The following SYBU variants were observed in gnomAD, a reference collection of about 807,000 sequenced individuals.
SYBU encodes GOLSYN A protein.
Under a neutral mutation model 35.9 loss-of-function variants are expected in SYBU, and 21 were observed. The ratio of observed to expected loss-of-function variants is 0.58; its 90% CI spans 0.41 to 0.84. The LOEUF is 0.84. SYBU is among the 40% of genes least tolerant of loss of function. The probability of loss-of-function intolerance (pLI) is 0.00; values close to 1 mark genes in which losing one functional copy is unlikely to be tolerated. For synonymous variants in SYBU, 319 were observed against 324.3 expected (o/e 0.98, Z 0.18); for missense variants, 768 against 848.2 (o/e 0.91, Z 1.17).
rs1389600172 is a variant in SYBU, at chr8:109,644,668, T to G, written c.-9A>C. Reference sequence around the variant, plus strand: ...TCGCGGAGGGGCCCCATCGCGCCGCTGCCCGCCGGCTCCTCGCGCCGCCGC... The same window carrying G: ...TCGCGGAGGGGCCCCATCGCGCCGCGGCCCGCCGGCTCCTCGCGCCGCCGC... On this transcript the variant is annotated 5_prime_UTR_variant, in exon 1 of 7. Coordinates refer to ENST00000276646, the MANE Select transcript of SYBU (RefSeq NM_001099754.2). The G allele has an allele frequency of 1.3e-6, 2 of 1,518,350 alleles. No homozygotes were observed. The highest frequency in any genetic ancestry group is 1.8e-6 in the Non-Finnish European group (2 of 1,140,192). 94.1% of individuals were successfully genotyped at this position (1,518,350 alleles called of 1,614,324 possible).
At chr8:109,623,316 T>C (rs930999486) in intron 2 of SYBU, among the ~76,000 whole-genome samples, 3 of 152,208 alleles carry the variant, frequency 2.0e-5, no homozygotes, top group African/African-American at 7.2e-5. Flanking sequence ...AGGAGACTAA[T>C]TTACATGTCC....
chr8:109,668,098 A>G (rs1816822061), intron 1 of SYBU, among the ~76,000 whole-genome samples: 1 of 144,888 alleles, frequency 6.9e-6, no homozygotes, highest in Non-Finnish European at 1.5e-5. Flanking sequence ...AGTCACAAGT[A>G]TTCAAGTTTA....
rs1432126138 is a variant in SYBU, at chr8:109,574,247, T to C, written c.*659A>G. 4.6e-5 allele frequency: 7 copies of C among 152,670 alleles called. No homozygotes were observed. Among genetic ancestry groups the C allele is most frequent in the Admixed American group, 4.6e-4 (7 of 15,294 alleles). 9.5% of individuals were successfully genotyped at this position (152,670 alleles called of 1,614,324 possible). ...AATCTTTATTTTCATCATGCTGAAG[T>C]GTGTGGTTACAATTTCCAATAAAAC... is the stretch of plus-strand genomic sequence containing the variant. On this transcript the variant is annotated 3_prime_UTR_variant, in exon 7 of 7. Coordinates refer to ENST00000276646, the MANE Select transcript of SYBU (RefSeq NM_001099754.2).
intron 4 of SYBU, among the ~76,000 whole-genome samples, chr8:109,583,486 G>T (rs1823269795): frequency 6.6e-6 from 1 of 152,154 alleles, no homozygotes; most frequent in Non-Finnish European, 1.5e-5. Context: ...AGCCTTTAAA[G>T]TTTTTGTTTT....
Position 109,575,063 on chromosome 8 carries a change from A to G in SYBU, c.1835T>C (p.Leu612Pro). 1.2e-6 allele frequency: 2 copies of G among 1,609,112 alleles called. No individual in the cohort carries two copies. The highest frequency in any genetic ancestry group is 1.7e-6 in the Non-Finnish European group (2 of 1,176,862). ...YWSSSFLVDL[L>P]AVAAPVVPTV... The stretch of plus-strand genomic sequence containing the variant: ...GGGGACCACGGGGGCAGCCACAGCC[A>G]GGAGATCCACCAGGAAGCTGCTGCT... Residue 612 changes from leucine to proline, a missense_variant, in exon 7 of 7, where the codon CTG (leucine) becomes CCG (proline). Leu to Pro is a moderately conservative substitution (Grantham distance 98). Coordinates refer to ENST00000276646, the MANE Select transcript of SYBU (RefSeq NM_001099754.2).
Position 109,574,723 on chromosome 8 carries a change from T to C in SYBU, c.*183A>G, listed in dbSNP as rs543803202. 1 of 548,418 alleles carries C rather than the reference T, an allele frequency of 1.8e-6. No homozygotes were observed. The highest frequency in any genetic ancestry group is 3.1e-5 in the East Asian group (1 of 32,312). 34.0% of individuals were successfully genotyped at this position (548,418 alleles called of 1,614,324 possible). ...GTGGGACATTTACTGGAACCAGGTC[T>C]CCATGCCTTTGAAGATACCTCCGGT... On this transcript the variant is annotated 3_prime_UTR_variant, in exon 7 of 7. Coordinates refer to ENST00000276646, the MANE Select transcript of SYBU (RefSeq NM_001099754.2).
chr8:109,683,237 C>T (rs1008548525), upstream of SYBU, among the ~76,000 whole-genome samples: 1 of 152,190 alleles, frequency 6.6e-6, no homozygotes, highest in Admixed American at 6.5e-5. Context: ...CAGACAACAC[C>T]AGCCTGTGAA....
At chr8:109,627,256 C>T (rs1229259817) in intron 2 of SYBU, among the ~76,000 whole-genome samples, 1 of 152,110 alleles carries the variant, frequency 6.6e-6, no homozygotes, top group Non-Finnish European at 1.5e-5. Flanking sequence ...ACTTATTCAT[C>T]TGTTCAACAA....
chr8:109,685,596 T>C (rs553654354), upstream of SYBU, among the ~76,000 whole-genome samples: 2 of 152,346 alleles, frequency 1.3e-5, no homozygotes, highest in South Asian at 4.1e-4. Flanking sequence ...TTTATGCAAA[T>C]GCAGTAATTA....
chr8:109,619,580 T>C (rs2130372894), intron 2 of SYBU, among the ~76,000 whole-genome samples: 1 of 152,306 alleles, frequency 6.6e-6, no homozygotes, highest in South Asian at 2.1e-4. Context: ...TGTCAAAACA[T>C]AAAGACATGT....
chr8:109,629,991 T>G (rs1333301942), intron 2 of SYBU, among the ~76,000 whole-genome samples: 1 of 152,144 alleles, frequency 6.6e-6, no homozygotes, highest in African/African-American at 2.4e-5. Flanking sequence ...TTGATGGGGT[T>G]GTTTGTTTTT....
chr8:109,644,132 A>G, intron 1 of SYBU: 3 of 458,106 alleles, frequency 6.5e-6, no homozygotes, highest in Non-Finnish European at 1.3e-5. Flanking sequence ...AGCAATGGGG[A>G]ACTTCGGAGG....
At chr8:109,597,790 T>A (rs143843476) in intron 3 of SYBU, among the ~76,000 whole-genome samples, 1 of 152,364 alleles carries the variant, frequency 6.6e-6, no homozygotes, top group Non-Finnish European at 1.5e-5. Flanking sequence ...TAAAAATTTC[T>A]ATCTTTTGAT....
intron 3 of SYBU, among the ~76,000 whole-genome samples, chr8:109,618,292 C>T (rs550142010): frequency 1.4e-4 from 21 of 152,308 alleles, no homozygotes; most frequent in African/African-American, 3.8e-4. Flanking sequence ...TGATGACCTC[C>T]ATTTCATCTT....
upstream of SYBU, among the ~76,000 whole-genome samples, chr8:109,648,302 CA>C (rs1316429847): frequency 7.1e-6 from 1 of 139,968 alleles, no homozygotes; most frequent in Admixed American, 7.0e-5. Flanking sequence ...CCTGGCAAAG[CA>C]CAGGAGAGAT....
chr8:109,648,407 A>G (rs1292975775), upstream of SYBU, among the ~76,000 whole-genome samples: 2 of 151,466 alleles, frequency 1.3e-5, no homozygotes, highest in Non-Finnish European at 1.5e-5. Flanking sequence ...TGAAATTTGT[A>G]ATTAAATGAT....
chr8:109,683,468 T>G (rs767423569), upstream of SYBU, among the ~76,000 whole-genome samples: 3 of 152,200 alleles, frequency 2.0e-5, no homozygotes, highest in Non-Finnish European at 4.4e-5. Context: ...TTGTAATGGG[T>G]CTATTTGTCC....
At chr8:109,670,415 TTA>T (rs1166935347) in intron 1 of SYBU, among the ~76,000 whole-genome samples, 2 of 151,550 alleles carry the variant, frequency 1.3e-5, no homozygotes, top group Non-Finnish European at 2.9e-5. Flanking sequence ...ATTTTAACAA[TTA>T]GACTTTTCTT....
chr8:109,655,320 G>T (rs568921156), intron 1 of SYBU, among the ~76,000 whole-genome samples: 1 of 152,076 alleles, frequency 6.6e-6, no homozygotes, highest in East Asian at 1.9e-4. Context: ...AATGATTTTC[G>T]GCTTCGAAAA....
Sources: allele counts gnomAD v4.1 joint callset (sites outside exome capture counted in the v4.1 genomes callset), GRCh38; gene constraint gnomAD v4.1.1; transcripts MANE v1.5; gene names NCBI Gene and HGNC (gene_info 2026-07-23, HGNC 2026-07-21).